Variants in KCNA6 observed in about 807,000 individuals in gnomAD.
The protein encoded by KCNA6 is human brain potassium channel-2.
Under a neutral mutation model 29.5 loss-of-function variants are expected in KCNA6, and 17 were observed. That is an observed-to-expected ratio of 0.58 (90% CI 0.39 to 0.86). The LOEUF (loss-of-function observed/expected upper bound fraction) is 0.86, where lower values mean the gene tolerates loss of function less well. Ranked by LOEUF, KCNA6 falls within the 40% of genes least tolerant of loss-of-function variation. KCNA6 has a pLI of 0.00. For synonymous variants in KCNA6, 296 were observed against 304.7 expected (o/e 0.97, Z 0.30); for missense variants, 450 against 703.4 (o/e 0.64, Z 4.07).
chr12:4,819,265 C>T, the KCNA6 span, among the ~76,000 whole-genome samples: 1 of 152,120 alleles, frequency 6.6e-6, no homozygotes, highest in Non-Finnish European at 1.5e-5. Context: ...GAGTTTTCCT[C>T]ACACACCTGC....
the KCNA6 span, among the ~76,000 whole-genome samples, chr12:4,828,204 A>G: frequency 3.5e-4 from 53 of 151,978 alleles, no homozygotes; most frequent in South Asian, 2.5e-3. Context: ...CTGTATCTCT[A>G]TAGAGACACT....
Position 4,810,296 on chromosome 12 carries a change from C to T in KCNA6, c.255C>T (p.Phe85=), listed in dbSNP as rs1946612958. 6.2e-7 allele frequency: 1 copy of T among 1,614,102 alleles called. No homozygotes were observed. The highest frequency in any genetic ancestry group is 8.5e-7 in the Non-Finnish European group (1 of 1,180,032). The change falls in exon 1 of 1, where the codon TTC becomes TTT. Residue 85 remains phenylalanine, a synonymous_variant. Coordinates refer to ENST00000280684, the Ensembl canonical transcript of KCNA6. The surrounding 1 kb of genome is among the most constrained non-coding windows in gnomAD (Gnocchi z 7.5). ...TCGACCCCCTGAGGAACGAGTACTT[C>T]TTCGACCGCAACCGGCCCAGCTTCG...
chr12:4,818,005 T>A (rs939578799), downstream of KCNA6, among the ~76,000 whole-genome samples: 1 of 152,192 alleles, frequency 6.6e-6, no homozygotes, highest in African/African-American at 2.4e-5. Flanking sequence ...TGCTGTTCTC[T>A]CAGGGCTTGA....
rs1187031722 is a variant in KCNA6, at chr12:4,811,259, T to C, written c.1218T>C (p.Phe406=). The C allele has an allele frequency of 9.9e-6, 16 of 1,614,256 alleles. No individual in the cohort carries two copies. Among genetic ancestry groups the C allele is most frequent in the Non-Finnish European group, 1.4e-5 (16 of 1,180,048 alleles). Residue 406 remains phenylalanine, a synonymous_variant, in exon 1 of 1, where the codon TTT becomes TTC. Transcript: ENST00000280684. This position sits in a 1 kb window ranked among gnomAD's most constrained non-coding sequence, Gnocchi z 7.1. Reference sequence around the variant, plus strand: ...AGGCTGACGATGACGATTCGCTTTTTCCCAGCATCCCGGATGCCTTCTGGT... The same window carrying C: ...AGGCTGACGATGACGATTCGCTTTTCCCCAGCATCCCGGATGCCTTCTGGT...
chr12:4,848,586 G>A, the KCNA6 span, among the ~76,000 whole-genome samples: 4,034 of 151,908 alleles, frequency 0.027, 73 homozygotes, highest in Middle Eastern at 0.041. Context: ...CCAGGCTGGA[G>A]TGCAATGGCT....
At chr12:4,849,913 G>T in the KCNA6 span, among the ~76,000 whole-genome samples, 3 of 152,228 alleles carry the variant, frequency 2.0e-5, no homozygotes, top group Non-Finnish European at 2.9e-5. Context: ...GGCTACGCTG[G>T]CTTGCCCTTG....
chr12:4,843,022 A>C, the KCNA6 span, among the ~76,000 whole-genome samples: 1 of 152,248 alleles, frequency 6.6e-6, no homozygotes, highest in Admixed American at 6.5e-5. Context: ...CTTGGGAATC[A>C]ATTGGAGGTG....
At chr12:4,818,836 G>A in the KCNA6 span, among the ~76,000 whole-genome samples, 5 of 122,764 alleles carry the variant, frequency 4.1e-5, no homozygotes, top group East Asian at 1.1e-3. Flanking sequence ...GTCCCTGAAA[G>A]TGCACACACA....
At chr12:4,826,270 T>A in the KCNA6 span, among the ~76,000 whole-genome samples, 1 of 152,204 alleles carries the variant, frequency 6.6e-6, no homozygotes, top group Non-Finnish European at 1.5e-5. Context: ...CTGAGGGCTC[T>A]TACCTCTGAC....
At chr12:4,823,532 C>T in the KCNA6 span, among the ~76,000 whole-genome samples, 4 of 151,794 alleles carry the variant, frequency 2.6e-5, no homozygotes, top group Non-Finnish European at 5.9e-5. Flanking sequence ...TTTGAGAGGC[C>T]GAGGCGGGCG....
At chr12:4,821,866 C>G in the KCNA6 span, among the ~76,000 whole-genome samples, 3 of 152,020 alleles carry the variant, frequency 2.0e-5, no homozygotes, top group African/African-American at 7.3e-5. Context: ...GATGGAGTTT[C>G]GCTCTTGTTT....
At chr12:4,819,019 C>T in the KCNA6 span, among the ~76,000 whole-genome samples, 1 of 152,222 alleles carries the variant, frequency 6.6e-6, no homozygotes, top group African/African-American at 2.4e-5. Context: ...CATGAATATA[C>T]ATATGCACAT....
chr12:4,848,992 C>T, the KCNA6 span, among the ~76,000 whole-genome samples: 8 of 149,810 alleles, frequency 5.3e-5, no homozygotes, highest in East Asian at 1.6e-3. Context: ...TGGTAGCGGG[C>T]GCCTGTAATC....
chr12:4,831,115 C>G, the KCNA6 span, among the ~76,000 whole-genome samples: 1 of 152,232 alleles, frequency 6.6e-6, no homozygotes, highest in Non-Finnish European at 1.5e-5. Context: ...TCTTATACAA[C>G]AACCCTAAGT....
the KCNA6 span, among the ~76,000 whole-genome samples, chr12:4,843,429 C>T: frequency 6.6e-6 from 1 of 152,130 alleles, no homozygotes; most frequent in East Asian, 1.9e-4. Flanking sequence ...ATCTGCCTGC[C>T]TCGGCCTCCC....
At chr12:4,850,758 G>A in the KCNA6 span, 2 of 448,918 alleles carry the variant, frequency 4.5e-6, no homozygotes, top group South Asian at 3.2e-5. This position sits in a 1 kb window ranked among gnomAD's most constrained non-coding sequence, Gnocchi z 5.4. Flanking sequence ...GGCAGGTGGT[G>A]CAAGCAAGGA....
the KCNA6 span, among the ~76,000 whole-genome samples, chr12:4,849,489 CTTTTTTT>C: frequency 0.018 from 1,810 of 101,416 alleles, 26 homozygotes; most frequent in Admixed American, 0.039. Context: ...GATTTTTGCT[CTTTTTTT>C]TTTTTTTTTT....
At chr12:4,835,113 T>A in the KCNA6 span, among the ~76,000 whole-genome samples, 2 of 151,198 alleles carry the variant, frequency 1.3e-5, no homozygotes, top group Non-Finnish European at 2.9e-5. Context: ...GTACTCCCAT[T>A]TTTCTAAGAA....
At chr12:4,819,057 CAT>C in the KCNA6 span, among the ~76,000 whole-genome samples, 45 of 152,128 alleles carry the variant, frequency 3.0e-4, no homozygotes, top group Admixed American at 1.3e-3. Context: ...CACACACAAA[CAT>C]ATACACACGT....
Sources: gnomAD v4.1 joint callset for allele counts (sites outside exome capture counted in the v4.1 genomes callset) on GRCh38, gnomAD v4.1.1 for gene constraint, Gnocchi (gnomAD v3.1) non-coding constraint, MANE v1.5 for transcripts, NCBI Gene and HGNC (gene_info 2026-07-23, HGNC 2026-07-21) for gene names.